The following DOCK5 variants were observed in gnomAD, a reference collection of about 807,000 sequenced individuals.
DOCK5 encodes the protein dedicator of cytokinesis protein 5.
DOCK5 carries 142 observed loss-of-function variants against 251.8 expected under a neutral mutation model. The ratio of observed to expected loss-of-function variants is 0.56; its 90% CI spans 0.49 to 0.65. DOCK5 has a LOEUF of 0.65. DOCK5 is among the 30% of genes least tolerant of loss of function. The pLI, the probability that DOCK5 is intolerant of heterozygous loss-of-function variation, is 0.00. For missense variants in DOCK5, 2,111 were observed against 2,312.3 expected, an observed-to-expected ratio of 0.91 and a Z score of 1.79; for synonymous variants, 842 against 835.5, an observed-to-expected ratio of 1.01 and a Z score of -0.13.
intron 22 of DOCK5, 62 bp from the exon 23 acceptor site, chr8:25,340,815 T>C: frequency 7.3e-7 from 1 of 1,368,950 alleles, no homozygotes; most frequent in Non-Finnish European, 1.0e-6. Flanking sequence ...AGGCAACAAA[T>C]CTATTTTAAA....
chr8:25,406,877 C>G (rs1047053018), intron 48 of DOCK5, among the ~76,000 whole-genome samples: 1 of 152,192 alleles, frequency 6.6e-6, no homozygotes, highest in Non-Finnish European at 1.5e-5. Flanking sequence ...CCGCCCACCT[C>G]GGCCTCTCAA....
intron 33 of DOCK5, 92 bp downstream of exon 33, chr8:25,368,817 T>C: frequency 7.7e-7 from 1 of 1,294,434 alleles, no homozygotes; most frequent in Non-Finnish European, 1.0e-6. Flanking sequence ...GTAACCTTAA[T>C]AATGCAAGTC....
At chr8:25,390,851 C>T (rs555087118) in intron 42 of DOCK5, among the ~76,000 whole-genome samples, 1 of 152,052 alleles carries the variant, frequency 6.6e-6, no homozygotes, top group South Asian at 2.1e-4. Context: ...GCTCCGTCAC[C>T]CAGGCTGGAG....
At chr8:25,296,298 T>G (rs1377205894) in intron 6 of DOCK5, among the ~76,000 whole-genome samples, 14 of 152,218 alleles carry the variant, frequency 9.2e-5, no homozygotes. Flanking sequence ...TTGCATATCC[T>G]TCTACGACTT....
chr8:25,380,842 C>T lies in DOCK5; in HGVS notation c.4026+448C>T, dbSNP rs185529483. Among the ~76,000 whole-genome samples the T allele has an allele frequency of 1.0e-3, 152 of 150,744 alleles. 1 individual carries two copies. Among genetic ancestry groups the T allele is most frequent in the African/African-American group, 3.5e-3 (142 of 40,802 alleles). On this transcript the variant is annotated intron_variant, in intron 39 of 51. Coordinates refer to ENST00000276440, the MANE Select transcript of DOCK5 (RefSeq NM_024940.8). ...AGCTCAGTGGAGGCAGCCACCATTC[C>T]GAATGCCCAGTGGAGGCAGCCACCA... is the stretch of plus-strand genomic sequence containing the variant.
intron 1 of DOCK5, among the ~76,000 whole-genome samples, chr8:25,240,894 G>A (rs998250323): frequency 9.2e-5 from 14 of 152,082 alleles, no homozygotes; most frequent in African/African-American, 2.4e-4. Context: ...GGAGGCCCTC[G>A]GGGAGGTTCT....
At chr8:25,287,087 CT>C (rs879523320) in intron 5 of DOCK5, among the ~76,000 whole-genome samples, 5 of 152,204 alleles carry the variant, frequency 3.3e-5, no homozygotes, top group Non-Finnish European at 5.9e-5. Context: ...TATAATACTC[CT>C]GCTTTCCTGT....
chr8:25,392,648 T>C, intron 43 of DOCK5, 148 bp from the exon 44 acceptor site: 1 of 659,402 alleles, frequency 1.5e-6, no homozygotes, highest in Non-Finnish European at 2.6e-6. Context: ...TATGAGAAAA[T>C]TTGGCTCAGT....
chr8:25,247,641 A>G (rs143659925), intron 2 of DOCK5, among the ~76,000 whole-genome samples: 1 of 152,294 alleles, frequency 6.6e-6, no homozygotes, highest in East Asian at 1.9e-4. Context: ...ATACTTTACC[A>G]AGAGTTCTCC....
At chr8:25,395,447 G>A in intron 44 of DOCK5, 96 bp from the exon 45 acceptor site, 1 of 1,317,282 alleles carries the variant, frequency 7.6e-7, no homozygotes, top group Non-Finnish European at 1.1e-6. Flanking sequence ...TAGCTTGTGG[G>A]CATTTTATAC....
At chr8:25,372,389 G>A (rs1462344790) in intron 34 of DOCK5, among the ~76,000 whole-genome samples, 170 bp from the exon 35 acceptor site, 1 of 152,202 alleles carries the variant, frequency 6.6e-6, no homozygotes, top group Non-Finnish European at 1.5e-5. Flanking sequence ...GGAAGGTGTT[G>A]CATGAGGTGT....
intron 27 of DOCK5, 44 bp downstream of exon 27, chr8:25,351,870 T>G (rs1388922118): frequency 1.3e-6 from 2 of 1,568,640 alleles, no homozygotes; most frequent in Non-Finnish European, 1.7e-6. Context: ...GCTGTTTCTC[T>G]GTCCCCTTTG....
intron 41 of DOCK5, among the ~76,000 whole-genome samples, chr8:25,389,565 T>A (rs1801222013): frequency 6.6e-6 from 1 of 152,132 alleles, no homozygotes; most frequent in Non-Finnish European, 1.5e-5. Context: ...TCCTGGTGGG[T>A]TGGGGAGCTA....
chr8:25,214,713 C>T (rs563419154), intron 1 of DOCK5, among the ~76,000 whole-genome samples: 27 of 152,262 alleles, frequency 1.8e-4, no homozygotes, highest in Admixed American at 1.7e-3. Context: ...ATCGATTCAG[C>T]AGTCATCGGT....
chr8:25,397,066 A>G (rs1394397053), intron 45 of DOCK5, among the ~76,000 whole-genome samples: 19 of 152,022 alleles, frequency 1.2e-4, no homozygotes, highest in Admixed American at 1.2e-3. Flanking sequence ...ATAAAAACAT[A>G]AAAAAATCAG....
intron 1 of DOCK5, among the ~76,000 whole-genome samples, chr8:25,221,817 A>G (rs567916245): frequency 1.6e-4 from 25 of 152,306 alleles, no homozygotes; most frequent in Middle Eastern, 6.8e-3. Flanking sequence ...GAAGGCTTAA[A>G]GAAGTTTAAT....
intron 27 of DOCK5, among the ~76,000 whole-genome samples, chr8:25,352,411 G>A (rs975099195): frequency 1.3e-5 from 2 of 152,130 alleles, no homozygotes; most frequent in African/African-American, 4.8e-5. Flanking sequence ...CATGCTTGTG[G>A]AAAGGCCATT....
At chr8:25,397,216 C>T (rs976719116) in intron 45 of DOCK5, among the ~76,000 whole-genome samples, 43 of 150,808 alleles carry the variant, frequency 2.9e-4, no homozygotes, top group Admixed American at 1.2e-3. Context: ...AACAACACTC[C>T]GTCTAAAAAA....
intron 1 of DOCK5, among the ~76,000 whole-genome samples, chr8:25,227,895 G>C (rs996884582): frequency 6.6e-6 from 1 of 151,898 alleles, no homozygotes; most frequent in Non-Finnish European, 1.5e-5. Context: ...GTTGTTGTTT[G>C]TTTTTTTGAG....
Sources: allele counts gnomAD v4.1 joint callset (sites outside exome capture counted in the v4.1 genomes callset), GRCh38; gene constraint gnomAD v4.1.1; transcripts MANE v1.5; gene names NCBI Gene and HGNC (gene_info 2026-07-23, HGNC 2026-07-21).